PRKAR2B: variants seen among roughly 807,000 people sequenced by gnomAD.
PRKAR2B encodes the protein cAMP-dependent protein kinase type II-beta regulatory subunit.
A neutral mutation model predicts 49.9 loss-of-function variants in PRKAR2B; 14 were observed. That is an observed-to-expected ratio of 0.28 (90% CI 0.19 to 0.44). The LOEUF is 0.44. PRKAR2B is among the 20% of genes least tolerant of loss of function. The pLI, the probability that PRKAR2B is intolerant of heterozygous loss-of-function variation, is 1.00. For synonymous variants in PRKAR2B, 196 were observed against 197.7 expected (o/e 0.99, Z 0.07); for missense variants, 393 against 537.9 (o/e 0.73, Z 2.67).
chr7:107,055,574 C>G (rs1793896296), intron 1 of PRKAR2B, among the ~76,000 whole-genome samples: 1 of 152,158 alleles, frequency 6.6e-6, no homozygotes, highest in Non-Finnish European at 1.5e-5. Context: ...TGATGATGAG[C>G]ATTTTTTCAT....
intron 2 of PRKAR2B, among the ~76,000 whole-genome samples, chr7:107,110,596 A>T (rs1030133209): frequency 9.2e-5 from 14 of 151,704 alleles, no homozygotes; most frequent in African/African-American, 3.4e-4. Context: ...GTAGGGTGGT[A>T]CCCGTTAGAG....
At chr7:107,058,359 G>A (rs1021669898) in intron 1 of PRKAR2B, among the ~76,000 whole-genome samples, 2 of 152,334 alleles carry the variant, frequency 1.3e-5, no homozygotes, top group East Asian at 3.9e-4. Context: ...TTGACAGCTT[G>A]TTGCCCTTTC....
At chr7:107,067,419 C>T (rs559932283) in intron 1 of PRKAR2B, 1 of 152,156 alleles carries the variant, frequency 6.6e-6, no homozygotes, top group South Asian at 2.1e-4. Context: ...TACTGCATAC[C>T]ACTTGCTTGG....
At chr7:107,128,392 C>A in intron 4 of PRKAR2B, 97 bp downstream of exon 4, 1 of 808,656 alleles carries the variant, frequency 1.2e-6, no homozygotes, top group Non-Finnish European at 2.0e-6. Context: ...TCTTTGTAAG[C>A]TGATCACCCT....
intron 2 of PRKAR2B, among the ~76,000 whole-genome samples, chr7:107,084,888 G>A (rs1435502698): frequency 2.0e-5 from 3 of 151,986 alleles, no homozygotes; most frequent in Admixed American, 6.6e-5. Context: ...GCCTCCCAAA[G>A]TGCTGGGATT....
chr7:107,141,604 A>C (rs575445061), intron 5 of PRKAR2B, among the ~76,000 whole-genome samples: 48 of 152,304 alleles, frequency 3.2e-4, no homozygotes, highest in African/African-American at 1.2e-3. Flanking sequence ...AGACACGAGA[A>C]TTGCTTGAAC....
intron 2 of PRKAR2B, among the ~76,000 whole-genome samples, chr7:107,074,572 G>A (rs1312592597): frequency 6.6e-6 from 1 of 152,088 alleles, no homozygotes; most frequent in Non-Finnish European, 1.5e-5. Flanking sequence ...GCTGAGGTGA[G>A]CGGATTACCT....
intron 1 of PRKAR2B, among the ~76,000 whole-genome samples, chr7:107,059,400 C>T (rs73413336): frequency 0.068 from 10,368 of 152,058 alleles, 372 homozygotes; most frequent in Middle Eastern, 0.095. Context: ...CACCATGATG[C>T]ATTTAGTGTT....
chr7:107,084,427 A>T (rs931527032), intron 2 of PRKAR2B, among the ~76,000 whole-genome samples: 3 of 152,076 alleles, frequency 2.0e-5, no homozygotes, highest in African/African-American at 7.2e-5. Flanking sequence ...CAACCATATT[A>T]GTGGATATAT....
intron 3 of PRKAR2B, among the ~76,000 whole-genome samples, chr7:107,124,378 TCTCTGCC>T (rs1356246931): frequency 6.6e-6 from 1 of 152,166 alleles, no homozygotes; most frequent in Non-Finnish European, 1.5e-5. Flanking sequence ...AATGGACAAG[TCTCTGCC>T]CTCTTGGAGC....
At chr7:107,067,922 G>A (rs1794186241) in intron 1 of PRKAR2B, among the ~76,000 whole-genome samples, 1 of 152,188 alleles carries the variant, frequency 6.6e-6, no homozygotes, top group East Asian at 1.9e-4. Context: ...GGCCCAGATG[G>A]TTATAAATGG....
intron 1 of PRKAR2B, among the ~76,000 whole-genome samples, chr7:107,060,675 C>G (rs1794011931): frequency 6.7e-6 from 1 of 150,312 alleles, no homozygotes; most frequent in Non-Finnish European, 1.5e-5. Context: ...GCTACCAACC[C>G]TATGTTGGCA....
intron 1 of PRKAR2B, among the ~76,000 whole-genome samples, chr7:107,054,247 G>A (rs1275547930): frequency 2.6e-5 from 4 of 152,102 alleles, no homozygotes; most frequent in Admixed American, 6.6e-5. Flanking sequence ...CCAGCTACTC[G>A]GGAGGCTGAG....
intron 2 of PRKAR2B, among the ~76,000 whole-genome samples, chr7:107,079,972 G>A (rs981335954): frequency 5.9e-5 from 9 of 152,224 alleles, no homozygotes; most frequent in Non-Finnish European, 1.3e-4. Flanking sequence ...TAGTTACAGG[G>A]TGAGCCTGCT....
intron 2 of PRKAR2B, among the ~76,000 whole-genome samples, chr7:107,080,053 G>A (rs747715302): frequency 1.3e-5 from 2 of 152,166 alleles, no homozygotes; most frequent in Non-Finnish European, 2.9e-5. Context: ...GCTCTCAAAT[G>A]GGTTTTCAAC....
intron 2 of PRKAR2B, among the ~76,000 whole-genome samples, chr7:107,094,769 T>C (rs1188794401): frequency 6.6e-6 from 1 of 152,256 alleles, no homozygotes; most frequent in Non-Finnish European, 1.5e-5. Flanking sequence ...TAGGGAATCC[T>C]TTCCCCATTT....
At chr7:107,075,746 T>C (rs940407029) in intron 2 of PRKAR2B, among the ~76,000 whole-genome samples, 1 of 152,130 alleles carries the variant, frequency 6.6e-6, no homozygotes, top group Non-Finnish European at 1.5e-5. Context: ...CTCTCAGCCT[T>C]CTTCTTATGA....
At position 107,159,747 on chromosome 7, in the gene PRKAR2B, G is replaced by A; in HGVS notation, c.*165G>A. 3.5e-6 allele frequency: 2 copies of A among 579,428 alleles called. No individual in the cohort carries two copies. The highest frequency in any genetic ancestry group is 2.8e-6 in the Non-Finnish European group (1 of 355,698). The allele number at this position is 579,428 out of a possible 1,614,324, so 35.9% of individuals were successfully genotyped here. A position where few individuals can be genotyped will look rare whatever the true frequency, so the allele number is the denominator to read the frequency against. ...AACAGTAGTGATTTAATAGTCAATA[G>A]GCTTTAACATCACTTTCTAAAGAGT... On this transcript the variant is annotated 3_prime_UTR_variant, in exon 11 of 11. Transcript: ENST00000265717.
intron 1 of PRKAR2B, among the ~76,000 whole-genome samples, chr7:107,058,428 A>G (rs1455065353): frequency 3.9e-5 from 6 of 152,198 alleles, no homozygotes; most frequent in Non-Finnish European, 5.9e-5. Context: ...TACATCTCCA[A>G]GTCTTACATT....
Sources: allele counts gnomAD v4.1 joint callset (sites outside exome capture counted in the v4.1 genomes callset), GRCh38; gene constraint gnomAD v4.1.1; transcripts MANE v1.5; gene names NCBI Gene and HGNC (gene_info 2026-07-23, HGNC 2026-07-21).